Variants in AFDN observed in about 807,000 individuals in gnomAD.
AFDN encodes the protein afadin, adherens junction formation factor, also known as afadin.
A neutral mutation model predicts 216.6 loss-of-function variants in AFDN; 68 were observed. The ratio of observed to expected loss-of-function variants is 0.31; its 90% CI spans 0.26 to 0.38. The LOEUF (loss-of-function observed/expected upper bound fraction) is 0.38, where lower values mean the gene tolerates loss of function less well. AFDN is among the 10% of genes least tolerant of loss of function. AFDN has a pLI of 1.00. For missense variants in AFDN, 2,136 were observed against 2,342.0 expected (o/e 0.91, Z 1.82); for synonymous variants, 868 against 853.7 (o/e 1.02, Z -0.29).
At chr6:167,935,334 C>T (rs73788655) in intron 23 of AFDN, among the ~76,000 whole-genome samples, 2,228 of 152,290 alleles carry the variant, frequency 0.015, 55 homozygotes, top group African/African-American at 0.051. Flanking sequence ...GTGTGCTACA[C>T]GTTGGGTACC....
At chr6:167,950,831 G>A (rs1436083893) in intron 29 of AFDN, among the ~76,000 whole-genome samples, 1 of 151,338 alleles carries the variant, frequency 6.6e-6, no homozygotes, top group Non-Finnish European at 1.5e-5. Context: ...GAGGCAGAGA[G>A]AAAGTACAGC....
chr6:167,854,226 C>T lies in AFDN; in HGVS notation c.106-10325C>T, dbSNP rs138820795. On this transcript the variant is annotated intron_variant, in intron 1 of 33. Transcript: ENST00000683244. ...TTCATCTTTTTGTGTATTTAAGGGC[C>T]GATTCACTACTTTGTATGCTGCCTG... Among the ~76,000 whole-genome samples the T allele has an allele frequency of 3.8e-3, 577 of 151,898 alleles. 4 individuals are homozygous for T. The highest frequency in any genetic ancestry group is 0.013 in the African/African-American group (536 of 41,442).
intron 22 of AFDN, among the ~76,000 whole-genome samples, chr6:167,924,106 AAT>A (rs1220600497): frequency 6.8e-6 from 1 of 147,024 alleles, no homozygotes; most frequent in African/African-American, 2.7e-5. Context: ...TAAAAAAAAA[AAT>A]AATAATTCTA....
chr6:167,966,934 C>G (rs1797627822), intron 32 of AFDN, among the ~76,000 whole-genome samples: 1 of 152,210 alleles, frequency 6.6e-6, no homozygotes, highest in Non-Finnish European at 1.5e-5. Context: ...ACTCTTAGCA[C>G]CTAGTAACAC....
At chr6:167,959,253 C>G (rs764156052) in intron 30 of AFDN, among the ~76,000 whole-genome samples, 4 of 152,158 alleles carry the variant, frequency 2.6e-5, no homozygotes, top group African/African-American at 4.8e-5. Flanking sequence ...GGCTGTGCTA[C>G]AGGAAGGGAG....
In AFDN at chr6:167,896,839, G is replaced by T. The variant is rs1213626194; in HGVS notation, c.1223-39G>T. The T allele has an allele frequency of 3.2e-6, 4 of 1,248,582 alleles. No homozygotes were observed. In the Admixed American group the frequency reaches 5.1e-5, roughly 16 times the overall value. 77.3% of individuals were successfully genotyped at this position (1,248,582 alleles called of 1,614,324 possible). On this transcript the variant is annotated intron_variant, in intron 9 of 33. Transcript: ENST00000683244. Reference sequence around the variant, plus strand: ...TGGAAATAACATGACAGTAATATTAGACTTTGCAAATAGAGCTGTCTTCCT... The same window carrying T: ...TGGAAATAACATGACAGTAATATTATACTTTGCAAATAGAGCTGTCTTCCT...
At chr6:167,862,155 C>T (rs1422212072) in intron 1 of AFDN, among the ~76,000 whole-genome samples, 3 of 151,862 alleles carry the variant, frequency 2.0e-5, no homozygotes, top group African/African-American at 7.3e-5. Flanking sequence ...TTTAGGAGTC[C>T]GTGGAAGGGG....
rs1350341165 is a variant in AFDN, at chr6:167,915,202, C to G, written c.2334C>G (p.Ser778=). 1.9e-6 allele frequency: 3 copies of G among 1,614,250 alleles called. No individual in the cohort carries two copies. Among genetic ancestry groups the G allele is most frequent in the Non-Finnish European group, 2.5e-6 (3 of 1,180,054 alleles). Residue 778 remains serine (S), a synonymous_variant, in exon 19 of 34, where the codon TCC becomes TCG. Coordinates refer to ENST00000683244, the MANE Select transcript of AFDN (RefSeq NM_001386888.1). ...DVLHTLTGAM[S]LLRRCRVNAA... is the part of the protein sequence containing the mutation. ...TGCACACGCTCACAGGAGCCATGTC[C>G]TTGCTACGACGCTGCAGAGTCAATG... is the stretch of plus-strand genomic sequence containing the variant.
chr6:167,888,127 T>A (rs370139168), intron 6 of AFDN, among the ~76,000 whole-genome samples: 1 of 152,158 alleles, frequency 6.6e-6, no homozygotes, highest in East Asian at 1.9e-4. Flanking sequence ...ACTAAAGAGA[T>A]GAGTGAAGGT....
chr6:167,951,131 A>G lies in AFDN; in HGVS notation c.3832-55A>G, dbSNP rs1795928424. On this transcript the variant is annotated intron_variant, in intron 29 of 33. Transcript: ENST00000683244. This position sits in a 1 kb window ranked among gnomAD's most constrained non-coding sequence, Gnocchi z 7.1. ...GTCTGAAGATAAAATGTTTGTGGATATTTGGTAATTTCTAGTAAATGGCTG... is the reference window on the plus strand; with the variant it reads ...GTCTGAAGATAAAATGTTTGTGGATGTTTGGTAATTTCTAGTAAATGGCTG... 4 of 1,499,728 alleles carry G rather than the reference A, an allele frequency of 2.7e-6. No individual in the cohort carries two copies. The South Asian group carries it at 4.2e-5, about 16-fold the overall frequency. The allele number at this position is 1,499,728 out of a possible 1,614,324, so 92.9% of individuals were successfully genotyped here. A position where few individuals can be genotyped will look rare whatever the true frequency, so the allele number is the denominator to read the frequency against.
chr6:167,897,642 C>CTTTTTT (rs57383020), intron 10 of AFDN, among the ~76,000 whole-genome samples: 1,528 of 89,688 alleles, frequency 0.017, 141 homozygotes, highest in East Asian at 0.032. Context: ...GACTGTATGC[C>CTTTTTT]TTTTTTTTTT....
At position 167,874,054 on chromosome 6, in the gene AFDN, A is replaced by G. The variant is rs187487901; in HGVS notation, c.579-1281A>G. On this transcript the variant is annotated intron_variant, in intron 4 of 33. Coordinates refer to ENST00000683244, the MANE Select transcript of AFDN (RefSeq NM_001386888.1). Reference sequence around the variant, plus strand: ...ATGCAAGAGAAAAAAATGTACAAAGATACGTTGCTCATACATGAACAAAAA... The same window carrying G: ...ATGCAAGAGAAAAAAATGTACAAAGGTACGTTGCTCATACATGAACAAAAA... Among the ~76,000 whole-genome samples, 118 of 152,332 alleles carry G rather than the reference A, an allele frequency of 7.7e-4. No homozygotes were observed. In the Middle Eastern group the frequency reaches 0.01, roughly 13 times the overall value.
In AFDN at chr6:167,952,203, C is replaced by G. The variant is rs750644668; in HGVS notation, c.4833+16C>G. 6.2e-7 allele frequency: 1 copy of G among 1,613,838 alleles called. No individual in the cohort carries two copies. Among genetic ancestry groups the G allele is most frequent in the Non-Finnish European group, 8.5e-7 (1 of 1,179,958 alleles). On this transcript the variant is annotated intron_variant, in intron 30 of 33. Coordinates refer to ENST00000683244, the MANE Select transcript of AFDN (RefSeq NM_001386888.1). Reference sequence around the variant, plus strand: ...AAGAGCGAGGGTAAAGGGGGGAGTGCTTTGGCTGTGCCCATCTGTGGTCCC... The same window carrying G: ...AAGAGCGAGGGTAAAGGGGGGAGTGGTTTGGCTGTGCCCATCTGTGGTCCC...
chr6:167,949,905 CAG>C (rs1181832673), intron 29 of AFDN, among the ~76,000 whole-genome samples: 5 of 152,166 alleles, frequency 3.3e-5, no homozygotes, highest in Non-Finnish European at 7.4e-5. Flanking sequence ...AGAGGCAGGC[CAG>C]AGTGTGGAAT....
At chr6:167,883,312 T>G (rs1375819271) in intron 6 of AFDN, among the ~76,000 whole-genome samples, 2 of 152,230 alleles carry the variant, frequency 1.3e-5, no homozygotes, top group Non-Finnish European at 2.9e-5. Flanking sequence ...ATACTAGTTG[T>G]GACATCTAAA....
At chr6:167,876,502 CAA>C (rs1285527348) in intron 5 of AFDN, among the ~76,000 whole-genome samples, 6 of 152,116 alleles carry the variant, frequency 3.9e-5, no homozygotes, top group East Asian at 1.9e-4. Flanking sequence ...TTTTAAAAGA[CAA>C]GAGGAATGCT....
intron 25 of AFDN, 47 bp downstream of exon 25, chr6:167,943,522 T>C: frequency 1.4e-6 from 2 of 1,458,472 alleles, no homozygotes; most frequent in Non-Finnish European, 1.9e-6. Flanking sequence ...CATTTTTAGG[T>C]GATTTTTGCA....
In AFDN at chr6:167,947,911, A is replaced by G; in HGVS notation, c.3612A>G (p.Ile1204Met). The change falls in exon 28 of 34, where the codon ATA becomes ATG. Residue 1204 changes from isoleucine (I) to methionine (M), a missense_variant. By Grantham distance (10) the Ile-to-Met change is conservative. This residue lies in a region of AFDN where 981 missense variants were observed against 966.0 expected (regional missense o/e 1.02). Coordinates refer to ENST00000683244, the MANE Select transcript of AFDN (RefSeq NM_001386888.1). ...ATGCCTCTGGAACAACAGCGAAGAT[A>G]ACATCTGTCTCTACTGGAAACCTCT... The part of the protein sequence containing the change: ...SAYASGTTAK[I>M]TSVSTGNLCT... 6.2e-7 allele frequency: 1 copy of G among 1,614,052 alleles called. No homozygotes were observed. The highest frequency in any genetic ancestry group is 8.5e-7 in the Non-Finnish European group (1 of 1,179,922).
At chr6:167,924,534 C>G (rs1389761119) in intron 22 of AFDN, among the ~76,000 whole-genome samples, 2 of 152,122 alleles carry the variant, frequency 1.3e-5, no homozygotes, top group Non-Finnish European at 2.9e-5. Flanking sequence ...GCTGGGTTTT[C>G]GCAAGAGACA....
Sources: allele counts gnomAD v4.1 joint callset (sites outside exome capture counted in the v4.1 genomes callset), GRCh38; gene constraint gnomAD v4.1.1; regional missense constraint gnomAD v4.1.1; non-coding constraint Gnocchi (gnomAD v3.1); transcripts MANE v1.5; gene names NCBI Gene and HGNC (gene_info 2026-07-23, HGNC 2026-07-21).